The following L3MBTL4 variants were observed in gnomAD, a reference collection of about 807,000 sequenced individuals.
L3MBTL4 encodes the protein L3MBTL histone methyl-lysine binding protein 4.
L3MBTL4 carries 70 observed loss-of-function variants against 84.5 expected under a neutral mutation model. The observed-to-expected ratio is 0.83, with a 90% CI of 0.68 to 1.01. The LOEUF (loss-of-function observed/expected upper bound fraction) is 1.01, where lower values mean the gene tolerates loss of function less well. Among genes scored for constraint, L3MBTL4 ranks in the 50% least tolerant of loss-of-function variants. The probability of loss-of-function intolerance (pLI) is 0.00; values close to 1 mark genes in which losing one functional copy is unlikely to be tolerated. For synonymous variants in L3MBTL4, 274 were observed against 259.8 expected (o/e 1.05, Z -0.52); for missense variants, 715 against 754.8 (o/e 0.95, Z 0.62).
At chr18:6,199,080 C>CT (rs1334979478) in intron 12 of L3MBTL4, among the ~76,000 whole-genome samples, 1 of 152,152 alleles carries the variant, frequency 6.6e-6, no homozygotes, top group African/African-American at 2.4e-5. Context: ...ATGATGTTCA[C>CT]TAGTGATGTT....
rs1057108827 is a variant in L3MBTL4, at chr18:6,165,544, G to T, written c.1096+6284C>A. On this transcript the variant is annotated intron_variant, in intron 13 of 18. Coordinates refer to ENST00000317931, the MANE Select transcript of L3MBTL4 (RefSeq NM_001330559.2). The stretch of plus-strand genomic sequence containing the variant: ...CCAATATTCAACATTCTTAAAAAAA[G>T]AATTTTCAACCCAAAATTTCATATC... Among the ~76,000 whole-genome samples the T allele has an allele frequency of 1.5e-3, 230 of 151,444 alleles. 1 individual carries two copies. The highest frequency in any genetic ancestry group is 5.4e-3 in the African/African-American group (221 of 40,786).
intron 16 of L3MBTL4, among the ~76,000 whole-genome samples, chr18:6,053,591 C>G (rs2056911648): frequency 6.6e-6 from 1 of 152,184 alleles, no homozygotes; most frequent in Admixed American, 6.5e-5. Flanking sequence ...ACTGACTCAC[C>G]CTTGTTATTA....
At chr18:6,032,944 C>A (rs1401630414) in intron 16 of L3MBTL4, among the ~76,000 whole-genome samples, 1 of 152,136 alleles carries the variant, frequency 6.6e-6, no homozygotes, top group African/African-American at 2.4e-5. Context: ...TGTGACCTAA[C>A]CTATGTTTTG....
chr18:6,011,234 A>T (rs753905251), intron 16 of L3MBTL4, among the ~76,000 whole-genome samples: 3 of 152,224 alleles, frequency 2.0e-5, no homozygotes, highest in Non-Finnish European at 4.4e-5. Flanking sequence ...CTGAAAATAC[A>T]CAAGAAGACA....
intron 16 of L3MBTL4, among the ~76,000 whole-genome samples, chr18:6,060,144 G>A (rs2057157842): frequency 6.6e-6 from 1 of 152,080 alleles, no homozygotes; most frequent in African/African-American, 2.4e-5. Flanking sequence ...CTAAAATGGA[G>A]AATATTCATT....
chr18:6,043,602 C>A (rs973190657), intron 16 of L3MBTL4, among the ~76,000 whole-genome samples: 1 of 152,142 alleles, frequency 6.6e-6, no homozygotes, highest in East Asian at 1.9e-4. Context: ...ATAGCACTGC[C>A]ACAGGTGCAG....
At chr18:6,252,921 G>A (rs949503765) in intron 5 of L3MBTL4, among the ~76,000 whole-genome samples, 1 of 152,056 alleles carries the variant, frequency 6.6e-6, no homozygotes, top group Admixed American at 6.6e-5. Flanking sequence ...AAACCCCCTG[G>A]GGCCGGGTGC....
rs772866847 is a variant in L3MBTL4, at chr18:5,956,400, A to T, written c.1678-13T>A. On this transcript the variant is annotated splice_polypyrimidine_tract_variant and intron_variant, in intron 18 of 18. Transcript: ENST00000317931. Reference sequence around the variant, plus strand: ...TGCCATCGATCTGCTGCAAATACATAAATAGACACAAATAAAAATGTTTTG... The same window carrying T: ...TGCCATCGATCTGCTGCAAATACATTAATAGACACAAATAAAAATGTTTTG... The T allele has an allele frequency of 6.2e-7, 1 of 1,611,218 alleles. No individual in the cohort carries two copies. The highest frequency in any genetic ancestry group is 1.1e-5 in the South Asian group (1 of 90,590).
At chr18:6,279,965 C>T (rs1287810996) in intron 4 of L3MBTL4, among the ~76,000 whole-genome samples, 1 of 152,202 alleles carries the variant, frequency 6.6e-6, no homozygotes, top group African/African-American at 2.4e-5. Flanking sequence ...AAGACATCCC[C>T]TGGTGGGCTT....
At chr18:5,977,434 C>G (rs1045139536) in intron 16 of L3MBTL4, among the ~76,000 whole-genome samples, 1 of 152,156 alleles carries the variant, frequency 6.6e-6, no homozygotes, top group Non-Finnish European at 1.5e-5. Context: ...CTGTCCTCTG[C>G]GCTTCTCCCA....
chr18:6,021,126 A>T (rs2055230366), intron 16 of L3MBTL4, among the ~76,000 whole-genome samples: 2 of 152,184 alleles, frequency 1.3e-5, no homozygotes, highest in Non-Finnish European at 2.9e-5. Context: ...ACGCTTTTCC[A>T]CGGTCAAGTA....
intron 4 of L3MBTL4, 44 bp downstream of exon 4, chr18:6,301,859 T>C (rs775799361): frequency 4.2e-6 from 6 of 1,418,436 alleles, no homozygotes; most frequent in Non-Finnish European, 6.0e-6. Context: ...TCACTTAAAA[T>C]TTGTTCACTG....
At chr18:6,168,640 C>T (rs990186812) in intron 13 of L3MBTL4, among the ~76,000 whole-genome samples, 1 of 152,046 alleles carries the variant, frequency 6.6e-6, no homozygotes, top group African/African-American at 2.4e-5. Flanking sequence ...AAAGCTGAAA[C>T]TGGATCCCTT....
At chr18:6,214,158 A>G (rs535338695) in intron 11 of L3MBTL4, among the ~76,000 whole-genome samples, 1 of 152,346 alleles carries the variant, frequency 6.6e-6, no homozygotes, top group Non-Finnish European at 1.5e-5. Context: ...TTCATCTGTA[A>G]CAAGAGACAG....
chr18:6,173,759 G>A (rs752218083), intron 12 of L3MBTL4, among the ~76,000 whole-genome samples: 21 of 152,058 alleles, frequency 1.4e-4, no homozygotes, highest in Non-Finnish European at 2.4e-4. Flanking sequence ...CAGCCTGGAC[G>A]GCACAGCAAG....
chr18:6,404,361 A>T (rs1027790697), intron 1 of L3MBTL4, among the ~76,000 whole-genome samples: 1 of 152,218 alleles, frequency 6.6e-6, no homozygotes, highest in East Asian at 1.9e-4. Flanking sequence ...AAAAAAGAGC[A>T]TAGGGGACAA....
chr18:6,031,627 G>A, intron 16 of L3MBTL4: 3 of 954,594 alleles, frequency 3.1e-6, no homozygotes, highest in Non-Finnish European at 3.7e-6. Flanking sequence ...ACATGGCCTT[G>A]GCTGGGATGA....
chr18:6,045,343 T>C (rs1413364484), intron 16 of L3MBTL4, among the ~76,000 whole-genome samples: 1 of 152,230 alleles, frequency 6.6e-6, no homozygotes, highest in Non-Finnish European at 1.5e-5. Flanking sequence ...GCTAAGGAAT[T>C]TGTTGCATCT....
At chr18:6,030,535 G>C in intron 16 of L3MBTL4, 1 of 892,386 alleles carries the variant, frequency 1.1e-6, no homozygotes, top group Non-Finnish European at 1.3e-6. Flanking sequence ...GTCTCACTCT[G>C]TCGCCCAGGC....
Sources: allele counts gnomAD v4.1 joint callset (sites outside exome capture counted in the v4.1 genomes callset), GRCh38; gene constraint gnomAD v4.1.1; transcripts MANE v1.5; gene names NCBI Gene and HGNC (gene_info 2026-07-23, HGNC 2026-07-21).